TBC1D16: variants seen among roughly 807,000 people sequenced by gnomAD.
TBC1D16 encodes the protein CTD-2529O21.1.
Under a neutral mutation model 74.7 loss-of-function variants are expected in TBC1D16, and 58 were observed. That is an observed-to-expected ratio of 0.78 (90% CI 0.63 to 0.97). The LOEUF is 0.97. Ranked by LOEUF, TBC1D16 falls within the 50% of genes least tolerant of loss-of-function variation. The probability of loss-of-function intolerance (pLI) is 0.00; values close to 1 mark genes in which losing one functional copy is unlikely to be tolerated. For synonymous variants in TBC1D16, 493 were observed against 474.7 expected (o/e 1.04, Z -0.50); for missense variants, 1,014 against 1,079.5 (o/e 0.94, Z 0.85).
intron 3 of TBC1D16, among the ~76,000 whole-genome samples, chr17:79,969,806 G>A (rs892490439): frequency 6.6e-6 from 1 of 152,128 alleles, no homozygotes; most frequent in Admixed American, 6.5e-5. Flanking sequence ...GCCAGGTGTG[G>A]TGGTGCATGC....
rs199724317 is a variant in TBC1D16, at chr17:79,971,024, AT to A, written c.780-18207del. Among the ~76,000 whole-genome samples, 27 of 144,262 alleles carry A rather than the reference AT, an allele frequency of 1.9e-4. No homozygotes were observed. Among genetic ancestry groups the A allele is most frequent in the South Asian group, 1.4e-3 (6 of 4,284 alleles). 94.6% of individuals were successfully genotyped at this position (144,262 alleles called of 152,430 possible). Reference sequence around the variant, plus strand: ...ATTAATATACACTCCCTGTATTTTTATTTTTTATTTTTTTTTGAGATGGAGT... The same window carrying A: ...ATTAATATACACTCCCTGTATTTTTATTTTTATTTTTTTTTGAGATGGAGT... On this transcript the variant is annotated intron_variant, in intron 3 of 11. Coordinates refer to ENST00000310924, the MANE Select transcript of TBC1D16 (RefSeq NM_019020.4). The surrounding 1 kb of genome is among the most constrained non-coding windows in gnomAD (Gnocchi z 4.6).
rs371209442 is a variant in TBC1D16 at position 79,954,241 on chromosome 17, G to C, written c.780-1423C>G. 3.9e-5 allele frequency among the ~76,000 whole-genome samples: 6 copies of C among 152,258 alleles called. No homozygotes were observed. Among genetic ancestry groups the C allele is most frequent in the East Asian group, 1.9e-4 (1 of 5,186 alleles). ...AACTATTAGAGGCAATCAATCCAGA[G>C]GCACTTCCTCCTCCAAGAAGCACCA... On this transcript the variant is annotated intron_variant, in intron 3 of 11. Coordinates refer to ENST00000310924, the MANE Select transcript of TBC1D16 (RefSeq NM_019020.4). This position sits in a 1 kb window ranked among gnomAD's most constrained non-coding sequence, Gnocchi z 5.5.
intron 3 of TBC1D16, among the ~76,000 whole-genome samples, chr17:79,989,429 C>T (rs577394425): frequency 6.6e-6 from 1 of 152,334 alleles, no homozygotes; most frequent in African/African-American, 2.4e-5. Context: ...CACTCTGTGC[C>T]TGCTTTGAGT....
intron 10 of TBC1D16, among the ~76,000 whole-genome samples, chr17:79,942,872 C>T (rs2032148894): frequency 6.6e-6 from 1 of 152,246 alleles, no homozygotes; most frequent in African/African-American, 2.4e-5. Context: ...CTCCGCAGCC[C>T]TCCCTTTAAA....
chr17:80,006,078 C>T lies in TBC1D16; in HGVS notation c.779+4082G>A, dbSNP rs561546561. ...ATAGACGCCCCACCGCTCAGAGTGG[C>T]GATGGGTGCACCCGAGTCCTCACCA... On this transcript the variant is annotated intron_variant, in intron 3 of 11. Coordinates refer to ENST00000310924, the MANE Select transcript of TBC1D16 (RefSeq NM_019020.4). Among the ~76,000 whole-genome samples, 58 of 152,264 alleles carry T rather than the reference C, an allele frequency of 3.8e-4. No homozygotes were observed. The South Asian group carries it at 9.1e-3, about 24-fold the overall frequency.
intron 3 of TBC1D16, among the ~76,000 whole-genome samples, chr17:79,970,612 T>C (rs563613317): frequency 1.3e-3 from 188 of 149,614 alleles, no homozygotes; most frequent in African/African-American, 3.9e-3. Context: ...AGAGCTTCAT[T>C]GTGGTGGGAA....
chr17:79,946,392 G>A (rs559846650), intron 9 of TBC1D16, among the ~76,000 whole-genome samples: 40 of 152,338 alleles, frequency 2.6e-4, no homozygotes, highest in Non-Finnish European at 4.9e-4. Flanking sequence ...GAGCTCAGGC[G>A]GGAATGCTCG....
chr17:79,974,452 G>A (rs1438788310), intron 3 of TBC1D16, among the ~76,000 whole-genome samples: 1 of 152,074 alleles, frequency 6.6e-6, no homozygotes, highest in African/African-American at 2.4e-5. Context: ...TGCCCAGGCT[G>A]GTCTCGAACT....
At chr17:79,997,522 C>T (rs2035319737) in intron 3 of TBC1D16, among the ~76,000 whole-genome samples, 2 of 152,214 alleles carry the variant, frequency 1.3e-5, no homozygotes, top group African/African-American at 2.4e-5. Flanking sequence ...TGAGGCTGCC[C>T]TCTGCCTCTG....
At position 79,945,011 on chromosome 17, in the gene TBC1D16, A is replaced by T; in HGVS notation, c.1805T>A (p.Leu602Gln). ...CCAGCGGTGGCAGAAGAGCATCTGC[A>T]GGCCGTCCTCGCCCAGCGAGACCAG... ...QHLVSLGEDG[L>Q]QMLFCHRWLL... Residue 602 changes from leucine to glutamine, a missense_variant, in exon 10 of 12, where the codon CTG becomes CAG. Transcript: ENST00000310924. 1 of 1,578,674 alleles carries T rather than the reference A, an allele frequency of 6.3e-7. No homozygotes were observed. Among genetic ancestry groups the T allele is most frequent in the Non-Finnish European group, 8.6e-7 (1 of 1,163,002 alleles).
Position 79,944,120 on chromosome 17 carries a change from T to C in TBC1D16, c.1908+788A>G. 6.5e-7 allele frequency: 1 copy of C among 1,535,914 alleles called. No individual in the cohort carries two copies. The highest frequency in any genetic ancestry group is 1.4e-5 in the African/African-American group (1 of 73,108). ...AGACATCAGCCCCCTGCGGTGTGAG[T>C]GAGGACAGGAGACGCTGACGCAAAT... On this transcript the variant is annotated intron_variant, in intron 10 of 11. Coordinates refer to ENST00000310924, the MANE Select transcript of TBC1D16 (RefSeq NM_019020.4). This position sits in a 1 kb window ranked among gnomAD's most constrained non-coding sequence, Gnocchi z 7.7.
chr17:79,965,683 G>A (rs1011727718), intron 3 of TBC1D16, among the ~76,000 whole-genome samples: 1 of 152,212 alleles, frequency 6.6e-6, no homozygotes, highest in East Asian at 1.9e-4. Context: ...CCTATGGGAA[G>A]CTCACATTCC....
At chr17:80,020,050 C>A (rs1368523222) in intron 1 of TBC1D16, among the ~76,000 whole-genome samples, 1 of 149,600 alleles carries the variant, frequency 6.7e-6, no homozygotes, top group Non-Finnish European at 1.5e-5. Flanking sequence ...AAGTTGGTAG[C>A]AGGTGCCTAT....
chr17:79,981,207 C>T lies in TBC1D16; in HGVS notation c.780-28389G>A, dbSNP rs1234310512. On this transcript the variant is annotated intron_variant, in intron 3 of 11. Coordinates refer to ENST00000310924, the MANE Select transcript of TBC1D16 (RefSeq NM_019020.4). This position sits in a 1 kb window ranked among gnomAD's most constrained non-coding sequence, Gnocchi z 6.9. ...CACTCGGCTTTTCCCATCCCCTGGG[C>T]CTAGTTTCAGGGGAGCCAGCATCTT... Among the ~76,000 whole-genome samples, 1 of 152,206 alleles carries T rather than the reference C, an allele frequency of 6.6e-6. No individual in the cohort carries two copies. Among genetic ancestry groups the T allele is most frequent in the Non-Finnish European group, 1.5e-5 (1 of 68,046 alleles).
At chr17:80,019,442 C>CT (rs1306161565) in intron 1 of TBC1D16, among the ~76,000 whole-genome samples, 2 of 142,476 alleles carry the variant, frequency 1.4e-5, no homozygotes, top group African/African-American at 5.5e-5. Context: ...CAGGACAACC[C>CT]CCCCCCGCCC....
intron 3 of TBC1D16, among the ~76,000 whole-genome samples, chr17:79,976,260 G>A (rs975673004): frequency 4.3e-4 from 66 of 152,178 alleles, no homozygotes; most frequent in Non-Finnish European, 6.5e-4. Flanking sequence ...TGCTCACACC[G>A]GCCCCTGCAC....
rs994200236 is a variant in TBC1D16, at chr17:79,936,660, G to A, written c.*4199C>T. The A allele has an allele frequency of 6.6e-6, 1 of 152,398 alleles. No homozygotes were observed. The highest frequency in any genetic ancestry group is 1.5e-5 in the Non-Finnish European group (1 of 68,238). The allele number at this position is 152,398 out of a possible 1,614,324, so 9.4% of individuals were successfully genotyped here. ...ATGCCTCTGGCTTCATGAACCTTCG[G>A]GGGAAATTAGCTTTCTAGTTTGGGG... On this transcript the variant is annotated 3_prime_UTR_variant, in exon 12 of 12. Transcript: ENST00000310924.
chr17:79,977,761 C>T (rs932833009), intron 3 of TBC1D16, among the ~76,000 whole-genome samples: 15 of 152,282 alleles, frequency 9.9e-5, no homozygotes, highest in African/African-American at 2.9e-4. Flanking sequence ...CTCATCCAGC[C>T]GAGAGGCTGG....
chr17:79,955,427 T>C (rs2033292618), intron 3 of TBC1D16, among the ~76,000 whole-genome samples: 4 of 152,102 alleles, frequency 2.6e-5, no homozygotes, highest in Admixed American at 1.3e-4. Flanking sequence ...GAAGTGAAAA[T>C]GTAAAGTGTC....
Sources: gnomAD v4.1 joint callset for allele counts (sites outside exome capture counted in the v4.1 genomes callset) on GRCh38, gnomAD v4.1.1 for gene constraint, Gnocchi (gnomAD v3.1) non-coding constraint, MANE v1.5 for transcripts, NCBI Gene and HGNC (gene_info 2026-07-23, HGNC 2026-07-21) for gene names.